The following ZNF385D variants were observed in gnomAD, a reference collection of about 807,000 sequenced individuals.
ZNF385D encodes zinc finger protein 659.
In ZNF385D, 15 loss-of-function variants were observed where a neutral mutation model predicts 35.8. That is an observed-to-expected ratio of 0.42 (90% CI 0.28 to 0.64). The LOEUF (loss-of-function observed/expected upper bound fraction) is 0.64. ZNF385D is among the 30% of genes least tolerant of loss of function. The pLI, the probability that ZNF385D is intolerant of heterozygous loss-of-function variation, is 0.23. For synonymous variants in ZNF385D, 212 were observed against 186.8 expected (o/e 1.13, Z -1.10); for missense variants, 474 against 494.6 (o/e 0.96, Z 0.39).
At chr3:21,751,274 C>T (rs7623361), upstream of ZNF385D, 11,063 of 1,103,996 alleles carry the variant, frequency 0.01, 885 homozygotes, top group African/African-American at 0.17. Context: ...AGCCGCTCCA[C>T]GAGGTGCTCC....
chr3:21,700,490 T>C (rs1178588295), intron 1 of ZNF385D, among the ~76,000 whole-genome samples: 2 of 152,164 alleles, frequency 1.3e-5, no homozygotes, highest in African/African-American at 2.4e-5. Context: ...TTTTTTCTTT[T>C]CCTGAGAATG....
intron 3 of ZNF385D, among the ~76,000 whole-genome samples, chr3:21,531,442 TA>T (rs764502227): frequency 7.2e-5 from 11 of 152,128 alleles, no homozygotes; most frequent in African/African-American, 1.2e-4. Context: ...TGTCCAAGAG[TA>T]AAAACCCTGC....
At chr3:22,146,674 T>C (rs1704878910) in intron 3 of ZNF385D, among the ~76,000 whole-genome samples, 1 of 152,196 alleles carries the variant, frequency 6.6e-6, no homozygotes. Context: ...AAACACATTA[T>C]ATAACACTTA....
intron 3 of ZNF385D, among the ~76,000 whole-genome samples, chr3:22,118,755 T>C (rs1702936919): frequency 6.6e-6 from 1 of 152,036 alleles, no homozygotes; most frequent in Non-Finnish European, 1.5e-5. Context: ...CTGTTAACAG[T>C]CATAGTTCTG....
intron 2 of ZNF385D, among the ~76,000 whole-genome samples, chr3:22,334,627 C>T (rs1482968935): frequency 6.6e-6 from 1 of 152,044 alleles, no homozygotes; most frequent in Non-Finnish European, 1.5e-5. Flanking sequence ...TTTCTTAGGT[C>T]TAAAATTCTA....
rs140711166 is a variant in ZNF385D, at chr3:21,935,566, C to T, written c.325+233251G>A. Among the ~76,000 whole-genome samples, 80 of 152,268 alleles carry T rather than the reference C, an allele frequency of 5.3e-4. 1 individual carries two copies. Among genetic ancestry groups the T allele is most frequent in the Admixed American group, 3.8e-3 (58 of 15,280 alleles). ...TCCTAGAGTTCCTTTCAGACCTGTA[C>T]ACTTGAGATTTCTGTTGACGAAAAT... is the stretch of plus-strand genomic sequence containing the variant. On this transcript the variant is annotated intron_variant, in intron 3 of 5. Coordinates refer to the ZNF385D transcript ENST00000494108.
chr3:22,204,889 A>G (rs529889286), intron 2 of ZNF385D, among the ~76,000 whole-genome samples: 143 of 151,600 alleles, frequency 9.4e-4, no homozygotes, highest in African/African-American at 3.2e-3. Flanking sequence ...GGGCAAATCT[A>G]AGAGACACTG....
At chr3:22,249,792 G>T (rs905712462) in intron 2 of ZNF385D, among the ~76,000 whole-genome samples, 3 of 152,094 alleles carry the variant, frequency 2.0e-5, no homozygotes, top group Non-Finnish European at 4.4e-5. Flanking sequence ...AAAATTGTGG[G>T]GTTTTTTTCT....
intron 3 of ZNF385D, among the ~76,000 whole-genome samples, chr3:21,770,937 T>G (rs935759425): frequency 5.3e-4 from 80 of 152,086 alleles, no homozygotes; most frequent in African/African-American, 1.8e-3. Context: ...ATGTCCTTTG[T>G]AGGGACATGG....
intron 3 of ZNF385D, among the ~76,000 whole-genome samples, chr3:22,012,783 A>G (rs940594640): frequency 1.3e-5 from 2 of 152,158 alleles, no homozygotes; most frequent in African/African-American, 4.8e-5. Flanking sequence ...GCTGCTTAGC[A>G]CATAATTCTT....
intron 3 of ZNF385D, among the ~76,000 whole-genome samples, chr3:21,814,790 C>A (rs2073078054): frequency 6.6e-6 from 1 of 152,134 alleles, no homozygotes; most frequent in Non-Finnish European, 1.5e-5. Context: ...AGAAAGTTAA[C>A]AAGGATATCC....
At chr3:22,030,809 A>G (rs187554228) in intron 3 of ZNF385D, among the ~76,000 whole-genome samples, 193 of 152,300 alleles carry the variant, frequency 1.3e-3, no homozygotes, top group African/African-American at 4.4e-3. Flanking sequence ...GTCCAAGTCC[A>G]AAGTGTCATC....
chr3:21,424,890 T>C (rs570591541), intron 6 of ZNF385D, among the ~76,000 whole-genome samples: 2 of 152,184 alleles, frequency 1.3e-5, no homozygotes, highest in South Asian at 2.1e-4. Flanking sequence ...ATTGTACATA[T>C]ATACAAAACA....
At chr3:21,587,739 G>A (rs190907782) in intron 2 of ZNF385D, among the ~76,000 whole-genome samples, 153 of 152,204 alleles carry the variant, frequency 1.0e-3, no homozygotes, top group African/African-American at 3.5e-3. Flanking sequence ...TTTGAGTAAC[G>A]TTAGAAGAAA....
intron 2 of ZNF385D, among the ~76,000 whole-genome samples, chr3:21,625,658 T>C (rs2065115706): frequency 6.6e-6 from 1 of 152,106 alleles, no homozygotes; most frequent in Admixed American, 6.6e-5. Context: ...TTTTGATGAC[T>C]GGTTGAGACA....
At chr3:21,718,116 A>G (rs2068395176) in intron 1 of ZNF385D, among the ~76,000 whole-genome samples, 1 of 152,204 alleles carries the variant, frequency 6.6e-6, no homozygotes, top group African/African-American at 2.4e-5. Context: ...GCTAAATAAA[A>G]AGTGAACAGG....
At chr3:21,752,607 A>G (rs1271727815), upstream of ZNF385D, among the ~76,000 whole-genome samples, 2 of 152,198 alleles carry the variant, frequency 1.3e-5, no homozygotes. Context: ...ACGCTAGATT[A>G]TAAAGAATTT....
At chr3:21,779,319 C>A (rs1258315526) in intron 3 of ZNF385D, among the ~76,000 whole-genome samples, 2 of 151,800 alleles carry the variant, frequency 1.3e-5, no homozygotes, top group African/African-American at 4.8e-5. Flanking sequence ...CCAAATAGTT[C>A]AAGCATTTGT....
At position 21,665,592 on chromosome 3, in the gene ZNF385D, C is replaced by T. The variant is rs376408499; in HGVS notation, c.23-564G>A. On this transcript the variant is annotated intron_variant, in intron 1 of 7. Coordinates refer to ENST00000281523, the MANE Select transcript of ZNF385D (RefSeq NM_024697.3). The stretch of plus-strand genomic sequence containing the variant: ...AAAACCAGCAAAACCAGTGCTACGA[C>T]GATGTCTGAACTATTCAGCACCCCT... Among the ~76,000 whole-genome samples, 28 of 152,294 alleles carry T rather than the reference C, an allele frequency of 1.8e-4. No individual in the cohort carries two copies. The South Asian group carries it at 5.6e-3, about 30-fold the overall frequency.
Sources: gnomAD v4.1 joint callset for allele counts (sites outside exome capture counted in the v4.1 genomes callset) on GRCh38, gnomAD v4.1.1 for gene constraint, MANE v1.5 for transcripts, NCBI Gene and HGNC (gene_info 2026-07-23, HGNC 2026-07-21) for gene names.